SLC24A2: variants seen among roughly 807,000 people sequenced by gnomAD.
The protein encoded by SLC24A2 is solute carrier family 24 member 2.
In SLC24A2, 36 loss-of-function variants were observed where a neutral mutation model predicts 62.0. The observed-to-expected ratio is 0.58, with a 90% CI of 0.44 to 0.77. SLC24A2 has a LOEUF of 0.77. Ranked by LOEUF, SLC24A2 falls within the 30% of genes least tolerant of loss-of-function variation. The pLI is 0.00. For missense variants in SLC24A2, 846 were observed against 817.9 expected, an observed-to-expected ratio of 1.03 and a Z score of -0.42; for synonymous variants, 358 against 294.0, an observed-to-expected ratio of 1.22 and a Z score of -2.23.
the SLC24A2 span, among the ~76,000 whole-genome samples, chr9:20,295,053 T>C: frequency 9.8e-3 from 1,414 of 144,404 alleles, 19 homozygotes; most frequent in African/African-American, 0.029. Flanking sequence ...TATATATATA[T>C]ACACACACAC....
chr9:19,887,640 T>C, the SLC24A2 span, among the ~76,000 whole-genome samples: 7 of 152,268 alleles, frequency 4.6e-5, no homozygotes, highest in African/African-American at 1.7e-4. Flanking sequence ...GAAAACAGTG[T>C]GGAGATTCCT....
At chr9:20,060,040 G>A in the SLC24A2 span, among the ~76,000 whole-genome samples, 2 of 151,988 alleles carry the variant, frequency 1.3e-5, no homozygotes, top group Middle Eastern at 3.2e-3. Flanking sequence ...AAATGAACAA[G>A]TTGGATAACC....
the SLC24A2 span, among the ~76,000 whole-genome samples, chr9:19,941,427 A>G: frequency 2.0e-5 from 3 of 152,132 alleles, no homozygotes; most frequent in Admixed American, 2.0e-4. Flanking sequence ...TGTCTTTCTC[A>G]AAGCCTACTT....
chr9:20,257,812 C>A, the SLC24A2 span, among the ~76,000 whole-genome samples: 1 of 152,174 alleles, frequency 6.6e-6, no homozygotes, highest in Non-Finnish European at 1.5e-5. Flanking sequence ...TGGTTCCCAT[C>A]CCCTGAGCCT....
chr9:20,190,484 A>G, the SLC24A2 span, among the ~76,000 whole-genome samples: 3 of 152,230 alleles, frequency 2.0e-5, no homozygotes, highest in African/African-American at 7.2e-5. Flanking sequence ...TAAGGGAAGT[A>G]ACATTTACTA....
At chr9:20,245,083 T>C in the SLC24A2 span, among the ~76,000 whole-genome samples, 28 of 152,212 alleles carry the variant, frequency 1.8e-4, no homozygotes, top group African/African-American at 5.1e-4. Context: ...TAAAAAAAAA[T>C]TATTGAACTG....
intron 7 of SLC24A2, among the ~76,000 whole-genome samples, chr9:19,559,152 G>A (rs1022547547): frequency 1.4e-4 from 22 of 152,210 alleles, no homozygotes; most frequent in Non-Finnish European, 3.1e-4. Flanking sequence ...CTTAATTAAA[G>A]TAAATATTTA....
intron 2 of SLC24A2, among the ~76,000 whole-genome samples, chr9:19,719,254 G>A (rs1183998478): frequency 2.0e-5 from 3 of 152,142 alleles, no homozygotes; most frequent in African/African-American, 4.8e-5. Context: ...TTCCTCTGGG[G>A]ACTTATTACA....
At chr9:19,732,420 A>T (rs1439587741) in intron 2 of SLC24A2, among the ~76,000 whole-genome samples, 1 of 152,180 alleles carries the variant, frequency 6.6e-6, no homozygotes, top group Non-Finnish European at 1.5e-5. Context: ...TGAGAACCCC[A>T]ACCCATGCAA....
chr9:19,511,108 C>T lies in SLC24A2; in HGVS notation c.*5045G>A, dbSNP rs1024390683. The T allele has an allele frequency of 6.6e-6, 1 of 152,168 alleles. No homozygotes were observed. The highest frequency in any genetic ancestry group is 1.5e-5 in the Non-Finnish European group (1 of 68,058). 9.4% of individuals were successfully genotyped at this position (152,168 alleles called of 1,614,324 possible). On this transcript the variant is annotated 3_prime_UTR_variant, in exon 11 of 11. Transcript: ENST00000341998. ...TGTGATTTCTACAGACGACTACATG[C>T]TCCGGGTGATTACATGCCACAACCT...
At chr9:20,225,145 C>T in the SLC24A2 span, among the ~76,000 whole-genome samples, 1 of 152,208 alleles carries the variant, frequency 6.6e-6, no homozygotes, top group Non-Finnish European at 1.5e-5. Context: ...GCTAGGGAAC[C>T]TGACCTAAGA....
chr9:20,031,147 T>TC, the SLC24A2 span, among the ~76,000 whole-genome samples: 1 of 151,632 alleles, frequency 6.6e-6, no homozygotes, highest in Admixed American at 6.6e-5. Flanking sequence ...TATATATGTA[T>TC]ACACACACAT....
At chr9:20,185,367 TA>T in the SLC24A2 span, among the ~76,000 whole-genome samples, 1 of 151,552 alleles carries the variant, frequency 6.6e-6, no homozygotes, top group Non-Finnish European at 1.5e-5. Flanking sequence ...AAATAAATTT[TA>T]AAAAAAGAAA....
chr9:19,838,006 T>C, the SLC24A2 span, among the ~76,000 whole-genome samples: 219 of 151,032 alleles, frequency 1.5e-3, 2 homozygotes, highest in African/African-American at 5.0e-3. Context: ...AGGTAATTTA[T>C]AGATTCAATG....
the SLC24A2 span, among the ~76,000 whole-genome samples, chr9:19,869,403 T>G: frequency 2.0e-5 from 3 of 152,192 alleles, no homozygotes; most frequent in Non-Finnish European, 4.4e-5. Context: ...GAGCATTCGT[T>G]TTTCTCTTGC....
At chr9:20,199,485 A>G in the SLC24A2 span, among the ~76,000 whole-genome samples, 1 of 152,158 alleles carries the variant, frequency 6.6e-6, no homozygotes, top group Non-Finnish European at 1.5e-5. Flanking sequence ...TCTTATTACT[A>G]ATGTTGCTAT....
chr9:19,512,572 T>C lies in SLC24A2; in HGVS notation c.*3581A>G, dbSNP rs1832756747. 1 of 152,264 alleles carries C rather than the reference T, an allele frequency of 6.6e-6. No individual in the cohort carries two copies. The highest frequency in any genetic ancestry group is 1.5e-5 in the Non-Finnish European group (1 of 68,074). 9.4% of individuals were successfully genotyped at this position (152,264 alleles called of 1,614,324 possible). ...GTGCAGAGGGCAGCTGGAGTTGGCATGGGCATTCTCAGATGCAATTTAGGA... is the reference window on the plus strand; with the variant it reads ...GTGCAGAGGGCAGCTGGAGTTGGCACGGGCATTCTCAGATGCAATTTAGGA... On this transcript the variant is annotated 3_prime_UTR_variant, in exon 11 of 11. Transcript: ENST00000341998.
At chr9:19,931,398 T>A in the SLC24A2 span, among the ~76,000 whole-genome samples, 1 of 152,198 alleles carries the variant, frequency 6.6e-6, no homozygotes, top group African/African-American at 2.4e-5. Context: ...ATTTAACACA[T>A]AAAACCAACA....
At chr9:20,103,967 T>C in the SLC24A2 span, among the ~76,000 whole-genome samples, 1 of 152,096 alleles carries the variant, frequency 6.6e-6, no homozygotes, top group Non-Finnish European at 1.5e-5. Context: ...TTTAGAAGAA[T>C]GTATAACTAG....
Sources: gnomAD v4.1 joint callset for allele counts (sites outside exome capture counted in the v4.1 genomes callset) on GRCh38, gnomAD v4.1.1 for gene constraint, MANE v1.5 for transcripts, NCBI Gene and HGNC (gene_info 2026-07-23, HGNC 2026-07-21) for gene names.